ELAVL4: variants seen among roughly 807,000 people sequenced by gnomAD.
ELAVL4 encodes ELAV like RNA binding protein 4.
ELAVL4 carries 1 observed loss-of-function variant against 35.6 expected under a neutral mutation model. The ratio of observed to expected loss-of-function variants is 0.03; its 90% CI spans 0.01 to 0.13. The LOEUF (loss-of-function observed/expected upper bound fraction) is 0.13. ELAVL4 is among the 10% of genes least tolerant of loss of function. ELAVL4 has a pLI of 1.00. For missense variants in ELAVL4, 267 were observed against 464.9 expected (o/e 0.57, Z 3.91); for synonymous variants, 156 against 171.0 (o/e 0.91, Z 0.69).
At chr1:50,180,928 C>T (rs1680924811) in intron 3 of ELAVL4, 1 of 152,074 alleles carries the variant, frequency 6.6e-6, no homozygotes, top group Admixed American at 6.6e-5. Flanking sequence ...TATTATAACC[C>T]TTTTACATGC....
chr1:50,139,050 GT>G (rs1473676701), intron 1 of ELAVL4, among the ~76,000 whole-genome samples: 1 of 152,114 alleles, frequency 6.6e-6, no homozygotes, highest in East Asian at 1.9e-4. Context: ...GAATATTTAA[GT>G]GTATGCCTGG....
chr1:50,137,625 A>AAT (rs1274390295), intron 1 of ELAVL4, among the ~76,000 whole-genome samples: 1 of 152,194 alleles, frequency 6.6e-6, no homozygotes, highest in East Asian at 1.9e-4. Context: ...AGTCTTGCTT[A>AAT]ATATACTTCA....
Position 50,165,762 on chromosome 1 carries a change from G to GTGTGTATATC in ELAVL4, c.251-11318_251-11317insCTGTGTATAT, listed in dbSNP as rs150491047. On this transcript the variant is annotated intron_variant, in intron 2 of 6. Coordinates refer to ENST00000371824, the MANE Select transcript of ELAVL4 (RefSeq NM_001144774.3). Reference sequence around the variant, plus strand: ...TGTATATATACATATATGTGTATATGTGTGTATATGTGTGTATATATGTGT... The same window carrying GTGTGTATATC: ...TGTATATATACATATATGTGTATATGTGTGTATATCTGTGTATATGTGTGTATATATGTGT... Among the ~76,000 whole-genome samples, 11 of 148,684 alleles carry GTGTGTATATC rather than the reference G, an allele frequency of 7.4e-5. No homozygotes were observed. The East Asian group carries it at 1.6e-3, about 21-fold the overall frequency.
At chr1:50,107,452 T>C (rs1248166998), upstream of ELAVL4, among the ~76,000 whole-genome samples, 1 of 152,202 alleles carries the variant, frequency 6.6e-6, no homozygotes, top group Non-Finnish European at 1.5e-5. Flanking sequence ...TATATATGTA[T>C]GTTTATATGT....
chr1:50,197,868 A>G (rs1644151785), intron 6 of ELAVL4, among the ~76,000 whole-genome samples: 1 of 152,270 alleles, frequency 6.6e-6, no homozygotes, highest in Non-Finnish European at 1.5e-5. Flanking sequence ...AGATTCCAGC[A>G]AATCAGAATT....
At chr1:50,064,564 G>A (rs1283197210) in intron 1 of ELAVL4, among the ~76,000 whole-genome samples, 1 of 152,042 alleles carries the variant, frequency 6.6e-6, no homozygotes, top group Admixed American at 6.6e-5. Flanking sequence ...TACATACTAG[G>A]AATTGGCCTT....
chr1:50,173,391 CT>C (rs1157889000), intron 2 of ELAVL4, among the ~76,000 whole-genome samples: 5 of 152,216 alleles, frequency 3.3e-5, no homozygotes, highest in Non-Finnish European at 7.3e-5. Flanking sequence ...CTCTGAAGTG[CT>C]TTAAAGTGTA....
chr1:50,067,815 G>A (rs939478376), intron 1 of ELAVL4, among the ~76,000 whole-genome samples: 5 of 152,238 alleles, frequency 3.3e-5, no homozygotes, highest in East Asian at 1.9e-4. Flanking sequence ...ACTTACATTC[G>A]TGTCAGAAGG....
intron 3 of ELAVL4, among the ~76,000 whole-genome samples, chr1:50,181,688 T>TGTTTG (rs1572568772): frequency 6.6e-6 from 1 of 151,790 alleles, no homozygotes; most frequent in East Asian, 1.9e-4. Flanking sequence ...TGTTTTGTTT[T>TGTTTG]GTTTTGTTTT....
chr1:50,103,856 G>A, upstream of ELAVL4: 1 of 1,550,486 alleles, frequency 6.4e-7, no homozygotes, highest in Non-Finnish European at 8.8e-7. Flanking sequence ...GCCGGAACAG[G>A]AGGAAAAGGT....
Position 50,195,175 on chromosome 1 carries a change from CAT to C in ELAVL4, c.509-385_509-384del, listed in dbSNP as rs569080548. ...TACAGAAGATGTTTTTAAAGCATAT[CAT>C]GTGGTCAGAGTTCACTTTTCAAATA... On this transcript the variant is annotated intron_variant, in intron 4 of 6. Transcript: ENST00000371824. Among the ~76,000 whole-genome samples, 10 of 152,324 alleles carry C rather than the reference CAT, an allele frequency of 6.6e-5. No homozygotes were observed. In the South Asian group the frequency reaches 1.9e-3, roughly 28 times the overall value.
At chr1:50,195,309 A>G (rs3001641) in intron 4 of ELAVL4, among the ~76,000 whole-genome samples, 142,698 of 152,188 alleles carry the variant, frequency 0.94, 67,626 homozygotes, top group East Asian at 1. Context: ...CAGAGCAGTG[A>G]TAGAGGACTA....
chr1:50,148,092 T>C (rs1173284501), intron 2 of ELAVL4, among the ~76,000 whole-genome samples: 1 of 152,186 alleles, frequency 6.6e-6, no homozygotes, highest in Non-Finnish European at 1.5e-5. Flanking sequence ...GCTGGATACT[T>C]GCTAAGCGCT....
At chr1:50,114,314 C>T (rs545026207) in intron 1 of ELAVL4, among the ~76,000 whole-genome samples, 19 of 151,690 alleles carry the variant, frequency 1.3e-4, no homozygotes, top group Non-Finnish European at 2.1e-4. Flanking sequence ...AATAAGGAGG[C>T]GGTAAGATGG....
In ELAVL4 at chr1:50,195,625, A is replaced by G. The variant is rs1238758773; in HGVS notation, c.573A>G (p.Lys191=). 1 of 1,614,168 alleles carries G rather than the reference A, an allele frequency of 6.2e-7. No homozygotes were observed. Among genetic ancestry groups the G allele is most frequent in the Non-Finnish European group, 8.5e-7 (1 of 1,180,008 alleles). Residue 191 remains lysine (K), a synonymous_variant, in exon 5 of 7, where the codon AAA becomes AAG. Coordinates refer to ENST00000371824, the MANE Select transcript of ELAVL4 (RefSeq NM_001144774.3). ...GGATTGAGGCAGAAGAAGCCATCAA[A>G]GGGCTGAATGGCCAGAAGCCCAGCG... is the stretch of plus-strand genomic sequence containing the variant. ...DKRIEAEEAI[K]GLNGQKPSGA... is the part of the protein sequence containing the mutation.
chr1:50,157,438 G>A (rs1490843206), intron 2 of ELAVL4, among the ~76,000 whole-genome samples: 1 of 152,216 alleles, frequency 6.6e-6, no homozygotes, highest in African/African-American at 2.4e-5. Flanking sequence ...CCTGTGATAA[G>A]CTATCTTTCC....
At chr1:50,133,423 A>G (rs1047873613) in intron 1 of ELAVL4, among the ~76,000 whole-genome samples, 1 of 152,226 alleles carries the variant, frequency 6.6e-6, no homozygotes, top group Non-Finnish European at 1.5e-5. Context: ...GGTGGAGTCC[A>G]GTTTTACTCC....
intron 1 of ELAVL4, among the ~76,000 whole-genome samples, chr1:50,119,497 T>A (rs1668661329): frequency 6.6e-6 from 1 of 152,086 alleles, no homozygotes; most frequent in Non-Finnish European, 1.5e-5. Context: ...TAAAAATTCA[T>A]CCATATTTAG....
At chr1:50,113,104 G>A (rs1667346659) in intron 1 of ELAVL4, among the ~76,000 whole-genome samples, 1 of 152,162 alleles carries the variant, frequency 6.6e-6, no homozygotes, top group South Asian at 2.1e-4. Context: ...ATTATTGTTT[G>A]AATGGTGCTT....
Sources: gnomAD v4.1 joint callset for allele counts (sites outside exome capture counted in the v4.1 genomes callset) on GRCh38, gnomAD v4.1.1 for gene constraint, MANE v1.5 for transcripts, NCBI Gene and HGNC (gene_info 2026-07-23, HGNC 2026-07-21) for gene names.